The following TNNI3K variants were observed in gnomAD, a reference collection of about 807,000 sequenced individuals.
TNNI3K encodes serine/threonine-protein kinase TNNI3K.
TNNI3K carries 140 observed loss-of-function variants against 114.5 expected under a neutral mutation model. The ratio of observed to expected loss-of-function variants is 1.22; its 90% CI spans 1.07 to 1.41. TNNI3K has a LOEUF of 1.41. Among genes scored for constraint, TNNI3K ranks in the 40% most tolerant of loss-of-function variants. TNNI3K has a pLI of 0.00. For missense variants in TNNI3K, 1,125 were observed against 1,007.6 expected (o/e 1.12, Z -1.58); for synonymous variants, 347 against 347.5 (o/e 1.00, Z 0.02).
At chr1:74,484,718 G>A (rs1254009176) in intron 21 of TNNI3K, among the ~76,000 whole-genome samples, 2 of 152,044 alleles carry the variant, frequency 1.3e-5, no homozygotes, top group African/African-American at 4.8e-5. Flanking sequence ...GGAAGAGTAG[G>A]GCACAGAATC....
intron 21 of TNNI3K, chr1:74,469,678 A>G: frequency 2.6e-6 from 1 of 382,064 alleles, no homozygotes; most frequent in South Asian, 1.5e-4. Flanking sequence ...TAATTGTGTC[A>G]GACGTATCCT....
intron 2 of TNNI3K, among the ~76,000 whole-genome samples, chr1:74,243,039 T>C (rs1368265670): frequency 1.3e-5 from 2 of 152,128 alleles, no homozygotes; most frequent in Non-Finnish European, 2.9e-5. Flanking sequence ...AAAAATAATA[T>C]CAATGCCTTA....
chr1:74,511,562 A>C (rs1287164973), intron 23 of TNNI3K, among the ~76,000 whole-genome samples: 1 of 152,120 alleles, frequency 6.6e-6, no homozygotes, highest in African/African-American at 2.4e-5. Context: ...TTGGATATGC[A>C]TTTATCTATC....
chr1:74,355,890 T>C (rs768607788), intron 11 of TNNI3K, among the ~76,000 whole-genome samples: 10 of 152,168 alleles, frequency 6.6e-5, no homozygotes, highest in Non-Finnish European at 1.5e-4. Context: ...TTGCTTTTTA[T>C]TTGAATATTG....
At chr1:74,284,780 G>A (rs1657224639) in intron 5 of TNNI3K, among the ~76,000 whole-genome samples, 1 of 152,138 alleles carries the variant, frequency 6.6e-6, no homozygotes. Flanking sequence ...TTGAGAAGTA[G>A]GATATAAATA....
rs748707278 is a variant in TNNI3K at position 74,342,895 on chromosome 1, G to T, written c.736G>T (p.Gly246Ter). ...HVPLHFCSRF[G>*]HHDIVKYLLQ... ...CCCACTCCATTTCTGTTCTCGATTT[G>T]GACACCATGATATAGTTAAGTATCT... Residue 246 changes from glycine to a stop codon, truncating the protein, a stop_gained, in exon 8 of 25, where the codon GGA becomes TGA. Transcript: ENST00000326637. LOFTEE classifies it high-confidence loss of function. The T allele has an allele frequency of 1.9e-6, 3 of 1,613,776 alleles. No individual in the cohort carries two copies. The highest frequency in any genetic ancestry group is 4.5e-5 in the East Asian group (2 of 44,840).
intron 20 of TNNI3K, among the ~76,000 whole-genome samples, chr1:74,449,264 G>A (rs1227561817): frequency 6.6e-6 from 1 of 151,756 alleles, no homozygotes; most frequent in African/African-American, 2.4e-5. Context: ...GGTGTTTGTA[G>A]TATTCTCTGA....
intron 21 of TNNI3K, among the ~76,000 whole-genome samples, chr1:74,484,678 G>T (rs74726753): frequency 0.019 from 2,925 of 152,204 alleles, 95 homozygotes; most frequent in African/African-American, 0.067. Context: ...TGAGGAGGTT[G>T]GTGTGATGAC....
intron 4 of TNNI3K, among the ~76,000 whole-genome samples, chr1:74,261,376 A>G (rs1020206315): frequency 4.6e-5 from 7 of 152,222 alleles, no homozygotes; most frequent in African/African-American, 1.7e-4. Flanking sequence ...ACTAGCTGAT[A>G]TATGAACTGA....
chr1:74,265,375 G>A (rs184964819), intron 4 of TNNI3K, among the ~76,000 whole-genome samples: 65 of 152,104 alleles, frequency 4.3e-4, no homozygotes, highest in African/African-American at 1.5e-3. Context: ...ACACGGGCTA[G>A]AAATGTCGAG....
At chr1:74,350,484 C>T (rs1176666531) in intron 9 of TNNI3K, among the ~76,000 whole-genome samples, 4 of 152,088 alleles carry the variant, frequency 2.6e-5, no homozygotes, top group African/African-American at 9.7e-5. Context: ...TCTATTAGGT[C>T]CACTTGGTGC....
intron 17 of TNNI3K, among the ~76,000 whole-genome samples, chr1:74,422,680 A>G (rs1442386269): frequency 2.6e-5 from 4 of 152,108 alleles, no homozygotes; most frequent in Non-Finnish European, 4.4e-5. Context: ...TCTTGACTAT[A>G]CAGGGTATGT....
chr1:74,538,142 C>T (rs578195443), intron 23 of TNNI3K, among the ~76,000 whole-genome samples: 1 of 152,118 alleles, frequency 6.6e-6, no homozygotes, highest in South Asian at 2.1e-4. Context: ...CAGCCATAGT[C>T]ATAGAGAAAA....
chr1:74,369,730 A>G, intron 16 of TNNI3K, 145 bp downstream of exon 16: 1 of 886,536 alleles, frequency 1.1e-6, no homozygotes, highest in Non-Finnish European at 1.6e-6. Flanking sequence ...TATCGCTAAT[A>G]ATTTATGCCT....
chr1:74,503,926 G>T (rs912816144), intron 23 of TNNI3K, among the ~76,000 whole-genome samples: 1 of 152,176 alleles, frequency 6.6e-6, no homozygotes, highest in Non-Finnish European at 1.5e-5. Context: ...GTTCCTGAAT[G>T]CCATCTTATA....
chr1:74,372,951 T>C (rs1417609666), intron 17 of TNNI3K: 1 of 151,940 alleles, frequency 6.6e-6, no homozygotes, highest in African/African-American at 2.4e-5. Context: ...TTAAATCTTA[T>C]GAAACACCAT....
Position 74,305,178 on chromosome 1 carries a change from A to G in TNNI3K, c.445-26272A>G, listed in dbSNP as rs534969695. Among the ~76,000 whole-genome samples, 192 of 152,098 alleles carry G rather than the reference A, an allele frequency of 1.3e-3. 1 individual carries two copies. The highest frequency in any genetic ancestry group is 1.8e-3 in the Non-Finnish European group (125 of 68,016). On this transcript the variant is annotated intron_variant, in intron 5 of 24. Coordinates refer to ENST00000326637, the MANE Select transcript of TNNI3K (RefSeq NM_015978.3). The stretch of plus-strand genomic sequence containing the variant: ...GAGAAGGTGGGGACCATATTCATGT[A>G]TTGTGTTTTGGTCAAATTGACAATT...
Position 74,271,662 on chromosome 1 carries a change from G to A in TNNI3K, c.398G>A (p.Gly133Asp). The change falls in exon 5 of 25, where the codon GGT becomes GAT. Residue 133 changes from glycine to aspartate, a missense_variant. Transcript: ENST00000326637. ...SGADIQQVGY[G>D]GLTALHIATI... Reference sequence around the variant, plus strand: ...GCTGATATACAGCAGGTTGGATACGGTGGCCTCACTGCCCTCCATATTGCT... The same window carrying A: ...GCTGATATACAGCAGGTTGGATACGATGGCCTCACTGCCCTCCATATTGCT... 6.2e-7 allele frequency: 1 copy of A among 1,609,406 alleles called. No homozygotes were observed.
intron 17 of TNNI3K, among the ~76,000 whole-genome samples, chr1:74,381,666 CCTT>C (rs1421242221): frequency 3.3e-5 from 5 of 152,126 alleles, no homozygotes; most frequent in East Asian, 1.9e-4. Context: ...ACCTCTCACT[CCTT>C]CTTGGTTCGA....
Sources: allele counts gnomAD v4.1 joint callset (sites outside exome capture counted in the v4.1 genomes callset), GRCh38; gene constraint gnomAD v4.1.1; transcripts MANE v1.5; gene names NCBI Gene and HGNC (gene_info 2026-07-23, HGNC 2026-07-21).